Variants in APOL3 observed in about 807,000 individuals in gnomAD.
APOL3 encodes TNF-inducible protein CG12-1.
A neutral mutation model predicts 11.6 loss-of-function variants in APOL3; 14 were observed. That is an observed-to-expected ratio of 1.21 (90% CI 0.80 to 1.89). The LOEUF (loss-of-function observed/expected upper bound fraction) is 1.89. Ranked by LOEUF, APOL3 falls within the 40% of genes most tolerant of loss-of-function variation. The pLI is 0.00. For missense variants in APOL3, 483 were observed against 492.1 expected, an observed-to-expected ratio of 0.98 and a Z score of 0.17; for synonymous variants, 192 against 190.6, an observed-to-expected ratio of 1.01 and a Z score of -0.06.
At chr22:36,151,713 G>A (rs919080946) in intron 1 of APOL3, among the ~76,000 whole-genome samples, 11 of 152,206 alleles carry the variant, frequency 7.2e-5, no homozygotes, top group African/African-American at 2.4e-4. Flanking sequence ...CCATACTTTG[G>A]GAGGGTAAGC....
At chr22:36,161,037 C>T (rs1186505644), upstream of APOL3, 1 of 683,018 alleles carries the variant, frequency 1.5e-6, no homozygotes, top group Non-Finnish European at 2.5e-6. Flanking sequence ...CACTGAAAGA[C>T]TATGAGACCC....
intron 1 of APOL3, 72 bp from the exon 2 acceptor site, chr22:36,149,214 G>A (rs2060336766): frequency 7.6e-7 from 1 of 1,313,002 alleles, no homozygotes; most frequent in East Asian, 5.4e-5. Flanking sequence ...TGGAGGGGCT[G>A]GATCTCTGCA....
At chr22:36,141,908 T>C (rs1569528762) in exon 3 of APOL3, 1 of 1,614,246 alleles carries the variant, frequency 6.2e-7, no homozygotes, top group Non-Finnish European at 8.5e-7. Flanking sequence ...GAAGCTTTTC[T>C]ATGGACTCCT....
chr22:36,142,412 T>G (rs2060031500), intron 2 of APOL3, among the ~76,000 whole-genome samples: 1 of 151,946 alleles, frequency 6.6e-6, no homozygotes, highest in Non-Finnish European at 1.5e-5. Flanking sequence ...CAAAGAGAAG[T>G]GGGTTCGGAG....
chr22:36,149,042 C>T lies in APOL3; in HGVS notation c.224-3443G>A, dbSNP rs904658008. On this transcript the variant is annotated intron_variant, in intron 1 of 2. Transcript: ENST00000349314. The stretch of plus-strand genomic sequence containing the variant: ...AGCCAGGGAAGAGGAAGAAGCAAGC[C>T]TACCTGAGTCCATGGTGCCAGCAGC... 7.3e-7 allele frequency: 1 copy of T among 1,368,506 alleles called. No homozygotes were observed. The highest frequency in any genetic ancestry group is 9.8e-7 in the Non-Finnish European group (1 of 1,021,992). The allele number at this position is 1,368,506 out of a possible 1,614,324, so 84.8% of individuals were successfully genotyped here.
chr22:36,143,448 C>T (rs924862057), intron 2 of APOL3, among the ~76,000 whole-genome samples: 5 of 152,232 alleles, frequency 3.3e-5, no homozygotes, highest in African/African-American at 1.2e-4. Context: ...TTAAGAAACA[C>T]CTTCAAATCT....
intron 1 of APOL3, among the ~76,000 whole-genome samples, chr22:36,147,052 G>A (rs1173137393): frequency 1.3e-5 from 2 of 152,160 alleles, no homozygotes; most frequent in Non-Finnish European, 2.9e-5. Flanking sequence ...CAAGCAGGAA[G>A]CTCAGGATTT....
chr22:36,153,629 C>A (rs993289770), intron 1 of APOL3, among the ~76,000 whole-genome samples: 3 of 152,206 alleles, frequency 2.0e-5, no homozygotes, highest in African/African-American at 7.2e-5. Context: ...CCCCAGAAAG[C>A]AAGGACGCTT....
intron 1 of APOL3, among the ~76,000 whole-genome samples, chr22:36,155,179 C>T (rs996806018): frequency 6.6e-6 from 1 of 152,156 alleles, no homozygotes; most frequent in Non-Finnish European, 1.5e-5. Context: ...TGTGAGGTGG[C>T]CCTGTCAGGC....
chr22:36,149,377 G>A (rs2060344166), intron 1 of APOL3: 1 of 1,306,298 alleles, frequency 7.7e-7, no homozygotes, highest in Non-Finnish European at 1.0e-6. Context: ...TTGTCCTGTA[G>A]GGGTATGAAG....
chr22:36,150,109 G>T (rs2060378523), intron 1 of APOL3: 1 of 343,042 alleles, frequency 2.9e-6, no homozygotes. Flanking sequence ...ACTACAACCA[G>T]CCTAAATAAA....
chr22:36,163,203 C>T (rs1010134292), upstream of APOL3, among the ~76,000 whole-genome samples: 4 of 152,158 alleles, frequency 2.6e-5, no homozygotes, highest in Admixed American at 1.3e-4. Context: ...CAGGAATCAC[C>T]CTCAACTCCC....
At chr22:36,151,287 T>C (rs1194813845) in intron 1 of APOL3, among the ~76,000 whole-genome samples, 1 of 152,048 alleles carries the variant, frequency 6.6e-6, no homozygotes, top group Non-Finnish European at 1.5e-5. Context: ...TAGGATCAGA[T>C]AAAGCAGAAA....
chr22:36,148,389 G>A (rs982860292), intron 1 of APOL3, among the ~76,000 whole-genome samples: 12 of 152,238 alleles, frequency 7.9e-5, no homozygotes, highest in African/African-American at 2.9e-4. Context: ...CCTACTGTGT[G>A]GCAGGCACTG....
rs746461015 is a variant in APOL3 at position 36,149,383 on chromosome 22, T to G, written c.224-3784A>C. ...AGGGTCCTTTTGTCCTGTAGGGGTA[T>G]GAAGAGAAGATAATCAGAGGAAGGG... On this transcript the variant is annotated intron_variant, in intron 1 of 2. Coordinates refer to ENST00000349314, the Ensembl canonical transcript of APOL3. The G allele has an allele frequency of 4.4e-5, 58 of 1,305,988 alleles. No individual in the cohort carries two copies. The Admixed American group carries it at 1.2e-3, about 26-fold the overall frequency. 80.9% of individuals were successfully genotyped at this position (1,305,988 alleles called of 1,614,324 possible). A position where few individuals can be genotyped will look rare whatever the true frequency, so the allele number is the denominator to read the frequency against.
intron 1 of APOL3, among the ~76,000 whole-genome samples, chr22:36,158,598 T>C (rs913141889): frequency 6.6e-5 from 10 of 152,060 alleles, no homozygotes; most frequent in African/African-American, 1.9e-4. Flanking sequence ...GGTGGGTGGA[T>C]CACAAGGTCA....
At chr22:36,160,152 G>A (rs1569529986) in intron 1 of APOL3, among the ~76,000 whole-genome samples, 1 of 152,100 alleles carries the variant, frequency 6.6e-6, no homozygotes, top group Non-Finnish European at 1.5e-5. Flanking sequence ...CAAAGTGCTG[G>A]GATTACAGGC....
chr22:36,164,620 A>G (rs766019983), upstream of APOL3: 10 of 152,202 alleles, frequency 6.6e-5, no homozygotes, highest in Non-Finnish European at 1.2e-4. Context: ...TTTGTGTTTT[A>G]TTCATTTCCC....
chr22:36,157,842 G>A (rs1854397072), intron 1 of APOL3, among the ~76,000 whole-genome samples: 1 of 152,178 alleles, frequency 6.6e-6, no homozygotes, highest in African/African-American at 2.4e-5. Context: ...CTGAGGTCAG[G>A]AGTTCGAGAC....
Sources: allele counts gnomAD v4.1 joint callset (sites outside exome capture counted in the v4.1 genomes callset), GRCh38; gene constraint gnomAD v4.1.1; transcripts MANE v1.5; gene names NCBI Gene and HGNC (gene_info 2026-07-23, HGNC 2026-07-21).